Variants in MGST1 observed in about 807,000 individuals in gnomAD.
The protein encoded by MGST1 is glutathione S-transferase 12.
MGST1 carries 5 observed loss-of-function variants against 8.9 expected under a neutral mutation model. That is an observed-to-expected ratio of 0.56 (90% CI 0.29 to 1.19). The LOEUF is 1.19. MGST1 is among the 50% of genes most tolerant of loss of function. The pLI, the probability that MGST1 is intolerant of heterozygous loss-of-function variation, is 0.08. For synonymous variants in MGST1, 54 were observed against 67.8 expected (o/e 0.80, Z 1.00); for missense variants, 182 against 187.4 (o/e 0.97, Z 0.17).
At chr12:16,456,595 T>C (rs1157271349) in intron 4 of MGST1, among the ~76,000 whole-genome samples, 1 of 151,922 alleles carries the variant, frequency 6.6e-6, no homozygotes, top group Non-Finnish European at 1.5e-5. Context: ...ACAATAAACG[T>C]CTTTTTCAAT....
intron 1 of MGST1, among the ~76,000 whole-genome samples, chr12:16,407,330 A>G (rs1463659187): frequency 6.6e-6 from 1 of 152,204 alleles, no homozygotes; most frequent in African/African-American, 2.4e-5. Context: ...ATCACTGATC[A>G]CTGGAGAAAT....
At chr12:16,368,105 C>T (rs191403255), downstream of MGST1, among the ~76,000 whole-genome samples, 190 of 152,214 alleles carry the variant, frequency 1.2e-3, no homozygotes, top group African/African-American at 4.4e-3. Flanking sequence ...TTAGGGAGAC[C>T]TCTCAAAACC....
chr12:16,444,269 TCTTTATA>T (rs999136733), intron 4 of MGST1, among the ~76,000 whole-genome samples: 22 of 150,236 alleles, frequency 1.5e-4, no homozygotes, highest in Admixed American at 1.1e-3. Flanking sequence ...GTTATAAAGC[TCTTTATA>T]CTTTATACAA....
intron 4 of MGST1, among the ~76,000 whole-genome samples, chr12:16,499,469 T>C (rs1401953732): frequency 6.6e-6 from 1 of 152,164 alleles, no homozygotes; most frequent in Non-Finnish European, 1.5e-5. Context: ...CTGTTTTTTG[T>C]AGAACTATGG....
chr12:16,584,966 A>G lies in MGST1; in HGVS notation n.483-4562A>G, dbSNP rs1187114469. Among the ~76,000 whole-genome samples the G allele has an allele frequency of 6.6e-6, 1 of 152,226 alleles. No homozygotes were observed. Among genetic ancestry groups the G allele is most frequent in the Non-Finnish European group, 1.5e-5 (1 of 68,040 alleles). On this transcript the variant is annotated intron_variant and non_coding_transcript_variant, in intron 4 of 4. Transcript: ENST00000538857. This position sits in a 1 kb window ranked among gnomAD's most constrained non-coding sequence, Gnocchi z 5.2. ...ACCAGAATTTTATGATTCTGACCAA[A>G]AAGTTACATACTAGTAGCTGTGTGC...
rs144858565 is a variant in MGST1 at position 16,500,624 on chromosome 12, C to A, written n.483-88904C>A. On this transcript the variant is annotated intron_variant and non_coding_transcript_variant, in intron 4 of 4. Transcript: ENST00000538857. This position sits in a 1 kb window ranked among gnomAD's most constrained non-coding sequence, Gnocchi z 4.3. The stretch of plus-strand genomic sequence containing the variant: ...ATTTAGGTCAAAATTAACTTAGAGT[C>A]GTTTTTGACAAAGCAGAGACTTAGA... Among the ~76,000 whole-genome samples, 1 of 152,140 alleles carries A rather than the reference C, an allele frequency of 6.6e-6. No homozygotes were observed. The highest frequency in any genetic ancestry group is 2.1e-4 in the South Asian group (1 of 4,818).
chr12:16,465,304 A>G (rs1941246138), intron 4 of MGST1, among the ~76,000 whole-genome samples: 1 of 152,220 alleles, frequency 6.6e-6, no homozygotes, highest in Admixed American at 6.5e-5. Flanking sequence ...CCTACATTTT[A>G]TGGGAAAGTA....
intron 4 of MGST1, among the ~76,000 whole-genome samples, chr12:16,484,714 T>C (rs534294487): frequency 6.6e-6 from 1 of 152,158 alleles, no homozygotes; most frequent in East Asian, 1.9e-4. Context: ...AGAAGTGTCA[T>C]GAGAACAGCA....
intron 4 of MGST1, among the ~76,000 whole-genome samples, chr12:16,452,379 A>G (rs1941135857): frequency 6.7e-6 from 1 of 148,416 alleles, no homozygotes; most frequent in Admixed American, 6.8e-5. Flanking sequence ...CTCAAATTAG[A>G]TTGTGTCTAT....
chr12:16,545,025 A>G (rs2137217340), intron 4 of MGST1, among the ~76,000 whole-genome samples: 1 of 152,214 alleles, frequency 6.6e-6, no homozygotes, highest in South Asian at 2.1e-4. Context: ...ACAAATATAG[A>G]AATTTTAAAT....
chr12:16,442,568 A>G (rs951305321), downstream of MGST1, among the ~76,000 whole-genome samples: 1 of 151,770 alleles, frequency 6.6e-6, no homozygotes, highest in Admixed American at 6.6e-5. The surrounding 1 kb of genome is among the most constrained non-coding windows in gnomAD (Gnocchi z 4.5). Context: ...TGTCGAAAAG[A>G]CTTTATTTTC....
chr12:16,473,545 T>C (rs1941301631), intron 4 of MGST1, among the ~76,000 whole-genome samples: 1 of 152,220 alleles, frequency 6.6e-6, no homozygotes, highest in South Asian at 2.1e-4. Flanking sequence ...TTTTTTGTTG[T>C]TTTTTAGTTC....
At chr12:16,573,119 C>A (rs940545355) in intron 4 of MGST1, among the ~76,000 whole-genome samples, 1 of 151,722 alleles carries the variant, frequency 6.6e-6, no homozygotes, top group African/African-American at 2.4e-5. Flanking sequence ...GTAAGCCACT[C>A]AGTCAAATCA....
intron 1 of MGST1, among the ~76,000 whole-genome samples, chr12:16,414,344 T>C (rs1159676762): frequency 6.8e-6 from 1 of 147,142 alleles, no homozygotes; most frequent in African/African-American, 2.5e-5. Flanking sequence ...TTTTCCTCCG[T>C]ATTACCTGAT....
rs973040016 is a variant in MGST1 at position 16,410,825 on chromosome 12, G to A, written n.779-26563G>A. On this transcript the variant is annotated intron_variant and non_coding_transcript_variant, in intron 1 of 1. Transcript: ENST00000359720. This position sits in a 1 kb window ranked among gnomAD's most constrained non-coding sequence, Gnocchi z 4.4. ...GCTTCTCATTATTCACAAGAATAAC[G>A]CCTACATATAACTATTTGGTTTGAC... 2.0e-5 allele frequency among the ~76,000 whole-genome samples: 3 copies of A among 151,584 alleles called. No homozygotes were observed. The highest frequency in any genetic ancestry group is 7.3e-5 in the African/African-American group (3 of 41,268).
At chr12:16,460,419 A>T (rs1180861932) in intron 4 of MGST1, among the ~76,000 whole-genome samples, 1 of 152,050 alleles carries the variant, frequency 6.6e-6, no homozygotes, top group Non-Finnish European at 1.5e-5. Context: ...CAAAACATAG[A>T]TAGGTCTCTA....
rs530991238 is a variant in MGST1 at position 16,578,053 on chromosome 12, C to A, written n.483-11475C>A. ...ACAATGGACTCCAGTCCTCAGTAGG[C>A]AACAACTTTCATAAGAAATATATTC... is the stretch of plus-strand genomic sequence containing the variant. On this transcript the variant is annotated intron_variant and non_coding_transcript_variant, in intron 4 of 4. Transcript: ENST00000538857. Among the ~76,000 whole-genome samples the A allele has an allele frequency of 2.6e-5, 4 of 152,298 alleles. No individual in the cohort carries two copies. The South Asian group carries it at 6.2e-4, about 24-fold the overall frequency.
At chr12:16,488,093 T>C (rs1941411711) in intron 4 of MGST1, among the ~76,000 whole-genome samples, 1 of 152,174 alleles carries the variant, frequency 6.6e-6, no homozygotes, top group African/African-American at 2.4e-5. Context: ...TTAGAAGAAT[T>C]ATATATTAAA....
chr12:16,378,171 T>G (rs1251352414), downstream of MGST1, among the ~76,000 whole-genome samples: 4 of 152,272 alleles, frequency 2.6e-5, no homozygotes, highest in East Asian at 7.7e-4. Flanking sequence ...TTTGTCAATT[T>G]TGGCTTTTGT....
Sources: allele counts gnomAD v4.1 joint callset (sites outside exome capture counted in the v4.1 genomes callset), GRCh38; gene constraint gnomAD v4.1.1; non-coding constraint Gnocchi (gnomAD v3.1); transcripts MANE v1.5; gene names NCBI Gene and HGNC (gene_info 2026-07-23, HGNC 2026-07-21).